The following PLD1 variants were observed in gnomAD, a reference collection of about 807,000 sequenced individuals.
PLD1 encodes the protein choline phosphatase 1.
Under a neutral mutation model 137.1 loss-of-function variants are expected in PLD1, and 112 were observed. That is an observed-to-expected ratio of 0.82 (90% confidence interval 0.70 to 0.96). The LOEUF (loss-of-function observed/expected upper bound fraction) is 0.96, where lower values mean the gene tolerates loss of function less well. Ranked by LOEUF, PLD1 falls within the 40% of genes least tolerant of loss-of-function variation. The probability of loss-of-function intolerance (pLI) is 0.00; values close to 1 mark genes in which losing one functional copy is unlikely to be tolerated. For missense variants in PLD1, 1,321 were observed against 1,342.0 expected, an observed-to-expected ratio of 0.98 and a Z score of 0.24; for synonymous variants, 431 against 454.7, an observed-to-expected ratio of 0.95 and a Z score of 0.66.
intron 1 of PLD1, among the ~76,000 whole-genome samples, chr3:171,763,555 G>A (rs1721588354): frequency 8.0e-6 from 1 of 125,668 alleles, no homozygotes; most frequent in Non-Finnish European, 1.6e-5. Flanking sequence ...GAGGGGAGGG[G>A]AGAGACAAGA....
chr3:171,720,271 G>A (rs1040889220), intron 8 of PLD1, among the ~76,000 whole-genome samples: 1 of 132,274 alleles, frequency 7.6e-6, no homozygotes, highest in African/African-American at 3.0e-5. Context: ...TCCAGCCTTG[G>A]TGACAAGGTG....
At chr3:171,744,484 G>C (rs1301909385) in intron 1 of PLD1, among the ~76,000 whole-genome samples, 5 of 152,042 alleles carry the variant, frequency 3.3e-5, no homozygotes, top group Non-Finnish European at 7.4e-5. Flanking sequence ...TGATCTCAGG[G>C]AGCCCAGAGC....
At chr3:171,731,322 T>A (rs1718930322) in intron 6 of PLD1, among the ~76,000 whole-genome samples, 1 of 152,212 alleles carries the variant, frequency 6.6e-6, no homozygotes, top group African/African-American at 2.4e-5. Context: ...TAAATTCCAA[T>A]CTCATTTCAC....
intron 8 of PLD1, among the ~76,000 whole-genome samples, chr3:171,719,368 T>C (rs1285936957): frequency 6.6e-6 from 1 of 152,218 alleles, no homozygotes; most frequent in Non-Finnish European, 1.5e-5. Context: ...GTAAGGTCCC[T>C]GGGAACAGGA....
intron 1 of PLD1, among the ~76,000 whole-genome samples, chr3:171,777,716 G>T (rs1722637809): frequency 6.6e-6 from 1 of 152,014 alleles, no homozygotes; most frequent in African/African-American, 2.4e-5. Flanking sequence ...GACAGTAAAG[G>T]AGTCAAATCC....
At chr3:171,663,783 TTGAAATGAATATTAAAACTGTCCCTTA>T (rs1245568802) in intron 19 of PLD1, among the ~76,000 whole-genome samples, 1 of 152,220 alleles carries the variant, frequency 6.6e-6, no homozygotes, top group Non-Finnish European at 1.5e-5. Flanking sequence ...TATTTCTGGT[TTGAAATGAATATTAAAACTGTCCCTTA>T]TAAGGTCAAC....
chr3:171,623,767 A>C (rs1158893553), intron 23 of PLD1, among the ~76,000 whole-genome samples: 10 of 152,184 alleles, frequency 6.6e-5, no homozygotes, highest in Non-Finnish European at 1.5e-5. Context: ...GTATATGATA[A>C]AGGAAACAGC....
chr3:171,695,236 C>A (rs1171342707), intron 12 of PLD1, among the ~76,000 whole-genome samples: 2 of 152,064 alleles, frequency 1.3e-5, no homozygotes, highest in Non-Finnish European at 2.9e-5. Flanking sequence ...GAAAAAAAAA[C>A]CTGATGATGT....
intron 3 of PLD1, among the ~76,000 whole-genome samples, chr3:171,735,914 C>A (rs766394605): frequency 6.6e-6 from 1 of 152,178 alleles, no homozygotes; most frequent in Non-Finnish European, 1.5e-5. Flanking sequence ...TATGCATCCA[C>A]GCACACACAC....
chr3:171,674,738 G>A (rs916449385), intron 18 of PLD1, 125 bp from the exon 19 acceptor site: 1 of 510,588 alleles, frequency 2.0e-6, no homozygotes, highest in South Asian at 2.3e-5. Flanking sequence ...AGCACTTTGG[G>A]AGGCCAAGAA....
At chr3:171,729,362 G>A (rs910911263) in intron 6 of PLD1, among the ~76,000 whole-genome samples, 5 of 152,178 alleles carry the variant, frequency 3.3e-5, no homozygotes, top group Admixed American at 3.3e-4. Flanking sequence ...AAACGTTAGA[G>A]AAACAGAGAA....
chr3:171,606,218 C>G (rs1732190681), intron 25 of PLD1, among the ~76,000 whole-genome samples: 1 of 152,110 alleles, frequency 6.6e-6, no homozygotes, highest in Non-Finnish European at 1.5e-5. Context: ...AGGTTTTTGT[C>G]TTGAGCAACT....
intron 21 of PLD1, among the ~76,000 whole-genome samples, chr3:171,658,329 A>G (rs1305306980): frequency 1.3e-5 from 2 of 152,206 alleles, no homozygotes; most frequent in East Asian, 3.8e-4. Context: ...ATGAAAATAT[A>G]TATCTGCACA....
At chr3:171,616,631 A>C (rs1733133612) in intron 24 of PLD1, among the ~76,000 whole-genome samples, 1 of 152,172 alleles carries the variant, frequency 6.6e-6, no homozygotes, top group African/African-American at 2.4e-5. Context: ...ATTTTCAGAG[A>C]TAGAATGTTG....
chr3:171,617,434 G>C (rs1173758014), intron 24 of PLD1, among the ~76,000 whole-genome samples: 1 of 152,196 alleles, frequency 6.6e-6, no homozygotes, highest in East Asian at 1.9e-4. Flanking sequence ...TATGGAAGGA[G>C]TAGCTGCCTC....
At chr3:171,632,596 A>C (rs1734764536) in intron 23 of PLD1, among the ~76,000 whole-genome samples, 1 of 152,164 alleles carries the variant, frequency 6.6e-6, no homozygotes, top group African/African-American at 2.4e-5. Flanking sequence ...AGGGTAAAAA[A>C]AAAAATCCCT....
chr3:171,603,760 C>T (rs895625273), intron 26 of PLD1, among the ~76,000 whole-genome samples: 24 of 152,256 alleles, frequency 1.6e-4, no homozygotes, highest in African/African-American at 5.5e-4. Flanking sequence ...TAACACTTCA[C>T]CCCTGAATAC....
At chr3:171,737,071 G>A (rs1436059910) in intron 3 of PLD1, among the ~76,000 whole-genome samples, 1 of 152,200 alleles carries the variant, frequency 6.6e-6, no homozygotes, top group Non-Finnish European at 1.5e-5. Flanking sequence ...TAATGGCACT[G>A]GCCGATCCAG....
chr3:171,765,164 C>A (rs1467819988), intron 1 of PLD1: 3 of 152,182 alleles, frequency 2.0e-5, no homozygotes, highest in Non-Finnish European at 4.4e-5. Context: ...ATTCAAAAAA[C>A]CAATGAATTG....
Sources: gnomAD v4.1 joint callset for allele counts (sites outside exome capture counted in the v4.1 genomes callset) on GRCh38, gnomAD v4.1.1 for gene constraint, MANE v1.5 for transcripts, NCBI Gene and HGNC (gene_info 2026-07-23, HGNC 2026-07-21) for gene names.